The following NLGN1 variants were observed in gnomAD, a reference collection of about 807,000 sequenced individuals.
NLGN1 encodes the protein neuroligin-1.
NLGN1 carries 12 observed loss-of-function variants against 65.5 expected under a neutral mutation model. That is an observed-to-expected ratio of 0.18 (90% CI 0.12 to 0.30). The LOEUF (loss-of-function observed/expected upper bound fraction) is 0.30, where lower values mean the gene tolerates loss of function less well. Among genes scored for constraint, NLGN1 ranks in the 10% least tolerant of loss-of-function variants. The pLI is 1.00. For synonymous variants in NLGN1, 350 were observed against 359.5 expected, an observed-to-expected ratio of 0.97 and a Z score of 0.30; for missense variants, 750 against 1,007.1, an observed-to-expected ratio of 0.74 and a Z score of 3.46.
chr3:173,450,673 A>G (rs1002038746), intron 2 of NLGN1, among the ~76,000 whole-genome samples: 2 of 152,042 alleles, frequency 1.3e-5, no homozygotes, highest in African/African-American at 2.4e-5. Context: ...ACTTGGTTCC[A>G]TTCTCCCCGT....
At chr3:174,264,397 TC>T (rs1462965458) in intron 4 of NLGN1, among the ~76,000 whole-genome samples, 1 of 145,386 alleles carries the variant, frequency 6.9e-6, no homozygotes, top group Non-Finnish European at 1.5e-5. Flanking sequence ...TATTCTTTTT[TC>T]TCTAAACTTC....
At chr3:174,092,703 A>C (rs759529108) in intron 4 of NLGN1, among the ~76,000 whole-genome samples, 12 of 152,168 alleles carry the variant, frequency 7.9e-5, no homozygotes, top group Non-Finnish European at 1.8e-4. Context: ...ATCTGCTGCC[A>C]TATATGCACT....
At chr3:173,650,920 G>A (rs1049583127) in intron 3 of NLGN1, among the ~76,000 whole-genome samples, 1 of 149,468 alleles carries the variant, frequency 6.7e-6, no homozygotes, top group Non-Finnish European at 1.5e-5. Flanking sequence ...CTCCTTGCCT[G>A]TTTATTTTTT....
At chr3:173,848,006 T>C (rs967932565) in intron 4 of NLGN1, among the ~76,000 whole-genome samples, 3 of 152,240 alleles carry the variant, frequency 2.0e-5, no homozygotes, top group African/African-American at 7.2e-5. Flanking sequence ...TTCCCTCTTC[T>C]GAGCATTTAC....
intron 4 of NLGN1, among the ~76,000 whole-genome samples, chr3:173,842,347 C>T (rs1231581447): frequency 6.6e-6 from 1 of 152,146 alleles, no homozygotes; most frequent in Non-Finnish European, 1.5e-5. Context: ...CCTAATCTCA[C>T]GTCCTCCCAT....
intron 2 of NLGN1, among the ~76,000 whole-genome samples, chr3:173,496,805 G>A (rs1273655458): frequency 3.3e-5 from 5 of 151,782 alleles, no homozygotes; most frequent in Non-Finnish European, 5.9e-5. Context: ...ATAAGACTTC[G>A]TATTGTAAAT....
chr3:173,589,365 C>T lies in NLGN1; in HGVS notation c.-320-14914C>T, dbSNP rs561878603. On this transcript the variant is annotated intron_variant, in intron 2 of 6. Transcript: ENST00000457714. ...TACAATTAGAGCTACCTGCTGAGGC[C>T]CATGCTGTCTCTTTGGAGGTGCTGT... 2.0e-5 allele frequency among the ~76,000 whole-genome samples: 3 copies of T among 152,188 alleles called. No homozygotes were observed. In the South Asian group the frequency reaches 6.2e-4, roughly 32 times the overall value.
At chr3:174,063,184 C>T (rs553602745) in intron 4 of NLGN1, among the ~76,000 whole-genome samples, 15 of 152,138 alleles carry the variant, frequency 9.9e-5, no homozygotes, top group Middle Eastern at 6.8e-3. Flanking sequence ...GGAGTATGGA[C>T]AACAATGGAA....
chr3:173,845,197 T>G (rs1285317765), intron 4 of NLGN1, among the ~76,000 whole-genome samples: 1 of 152,228 alleles, frequency 6.6e-6, no homozygotes, highest in Admixed American at 6.5e-5. Flanking sequence ...TAAAGCTAAT[T>G]ATAGTGGAAC....
intron 2 of NLGN1, among the ~76,000 whole-genome samples, chr3:173,455,618 G>A (rs182452413): frequency 3.4e-4 from 52 of 152,028 alleles, no homozygotes; most frequent in African/African-American, 1.2e-3. Flanking sequence ...TTGATATGTG[G>A]TTGCCACAAA....
At chr3:173,494,313 TG>T (rs1729668506) in intron 2 of NLGN1, among the ~76,000 whole-genome samples, 1 of 151,804 alleles carries the variant, frequency 6.6e-6, no homozygotes, top group Non-Finnish European at 1.5e-5. Flanking sequence ...CATCTGCTTT[TG>T]GGCATTTGTG....
chr3:173,915,293 A>G (rs1030980315), intron 4 of NLGN1, among the ~76,000 whole-genome samples: 1 of 152,208 alleles, frequency 6.6e-6, no homozygotes, highest in Non-Finnish European at 1.5e-5. Context: ...TTTATGACCT[A>G]CATCTCATGA....
rs542203296 is a variant in NLGN1 at position 173,825,946 on chromosome 3, A to C, written c.646+18114A>C. Among the ~76,000 whole-genome samples, 7 of 152,122 alleles carry C rather than the reference A, an allele frequency of 4.6e-5. No homozygotes were observed. In the East Asian group the frequency reaches 1.4e-3, roughly 29 times the overall value. On this transcript the variant is annotated intron_variant, in intron 4 of 6. Coordinates refer to ENST00000457714, the Ensembl canonical transcript of NLGN1. ...ATGGAAACAAGCAAGGTTACACCCA[A>C]GACTCAATTAAAATCGTGGCTCATA...
chr3:173,525,311 T>G (rs1735458505), intron 2 of NLGN1, among the ~76,000 whole-genome samples: 1 of 152,054 alleles, frequency 6.6e-6, no homozygotes, highest in Non-Finnish European at 1.5e-5. Flanking sequence ...TACTGATCTA[T>G]TCAGGATTTC....
intron 4 of NLGN1, among the ~76,000 whole-genome samples, chr3:173,907,466 T>C (rs184912930): frequency 6.6e-6 from 1 of 152,282 alleles, no homozygotes; most frequent in Admixed American, 6.5e-5. Context: ...CCTACATTTC[T>C]GTAGTAGAGC....
chr3:173,851,335 C>A (rs1191325003), intron 4 of NLGN1, among the ~76,000 whole-genome samples: 6 of 152,044 alleles, frequency 3.9e-5, no homozygotes, highest in Admixed American at 6.6e-5. Context: ...AATAAAGTTT[C>A]TTTTATTGTT....
chr3:173,608,929 T>A (rs1014476283), intron 3 of NLGN1, among the ~76,000 whole-genome samples: 3 of 151,952 alleles, frequency 2.0e-5, no homozygotes, highest in African/African-American at 7.2e-5. Flanking sequence ...CCTCAATTAC[T>A]TTTGCGCCAA....
intron 4 of NLGN1, among the ~76,000 whole-genome samples, chr3:173,971,775 T>C (rs1379218480): frequency 1.3e-5 from 2 of 152,038 alleles, no homozygotes; most frequent in Non-Finnish European, 2.9e-5. Context: ...TGTGTACATA[T>C]AAAAAGTGAC....
intron 5 of NLGN1, among the ~76,000 whole-genome samples, chr3:174,277,871 ATAACTGAAGCACAAAGC>A (rs1334481834): frequency 6.6e-6 from 1 of 151,660 alleles, no homozygotes; most frequent in Non-Finnish European, 1.5e-5. Flanking sequence ...ATGTTTTTAA[ATAACTGAAGCACAAAGC>A]TGTATTTGGA....
Sources: allele counts gnomAD v4.1 joint callset (sites outside exome capture counted in the v4.1 genomes callset), GRCh38; gene constraint gnomAD v4.1.1; transcripts MANE v1.5; gene names NCBI Gene and HGNC (gene_info 2026-07-23, HGNC 2026-07-21).